TJP1: variants seen among roughly 807,000 people sequenced by gnomAD.
TJP1 encodes the protein tight junction protein ZO-1.
In TJP1, 43 loss-of-function variants were observed where a neutral mutation model predicts 194.2. The observed-to-expected ratio is 0.22, with a 90% CI of 0.17 to 0.29. The LOEUF (loss-of-function observed/expected upper bound fraction) is 0.29. TJP1 is among the 10% of genes least tolerant of loss of function. The probability of loss-of-function intolerance (pLI) is 1.00; values close to 1 mark genes in which losing one functional copy is unlikely to be tolerated. For missense variants in TJP1, 1,971 were observed against 2,185.7 expected, an observed-to-expected ratio of 0.90 and a Z score of 1.96; for synonymous variants, 801 against 779.0, an observed-to-expected ratio of 1.03 and a Z score of -0.47.
chr15:29,799,803 G>A (rs1269395464), intron 2 of TJP1, among the ~76,000 whole-genome samples: 1 of 152,122 alleles, frequency 6.6e-6, no homozygotes, highest in Non-Finnish European at 1.5e-5. Context: ...GCAGAGTCCA[G>A]CAACATGATT....
intron 8 of TJP1, among the ~76,000 whole-genome samples, chr15:29,751,411 T>C (rs1217582794): frequency 6.6e-6 from 1 of 152,252 alleles, no homozygotes; most frequent in Non-Finnish European, 1.5e-5. Flanking sequence ...ATAATTTAGA[T>C]GTATGTGTTT....
intron 2 of TJP1, among the ~76,000 whole-genome samples, chr15:29,875,536 C>T (rs956958834): frequency 3.3e-5 from 5 of 152,086 alleles, no homozygotes; most frequent in African/African-American, 7.2e-5. Flanking sequence ...CCCCCAAATA[C>T]ATGTTGTGGG....
At position 29,779,749 on chromosome 15, in the gene TJP1, T is replaced by A. The variant is rs1595867976; in HGVS notation, c.85-6392A>T. Among the ~76,000 whole-genome samples the A allele has an allele frequency of 5.3e-5, 8 of 152,228 alleles. 1 individual carries two copies. The Middle Eastern group carries it at 0.027, about 518-fold the overall frequency. ...AGAATTCTGGAAAAATTAGCAGCAA[T>A]GAGAGTAGGCATGAATGAATCTTCC... On this transcript the variant is annotated intron_variant, in intron 2 of 27. Coordinates refer to ENST00000614355, the MANE Select transcript of TJP1 (RefSeq NM_001330239.4).
intron 2 of TJP1, among the ~76,000 whole-genome samples, chr15:29,942,316 C>T (rs2055108714): frequency 6.6e-6 from 1 of 152,166 alleles, no homozygotes; most frequent in South Asian, 2.1e-4. Flanking sequence ...AAATACTGAG[C>T]TGCAAAACCG....
chr15:29,707,171 A>C (rs548076558), intron 25 of TJP1, among the ~76,000 whole-genome samples: 1 of 152,176 alleles, frequency 6.6e-6, no homozygotes, highest in East Asian at 1.9e-4. Context: ...ACATCCACGA[A>C]AGAGAGACAG....
chr15:29,703,599 A>G (rs550295922), intron 27 of TJP1, among the ~76,000 whole-genome samples: 1 of 152,264 alleles, frequency 6.6e-6, no homozygotes, highest in East Asian at 1.9e-4. Flanking sequence ...GACAGAATAA[A>G]TCATTTTTCT....
intron 8 of TJP1, among the ~76,000 whole-genome samples, chr15:29,753,834 A>C (rs1449699475): frequency 1.3e-5 from 2 of 152,060 alleles, no homozygotes; most frequent in African/African-American, 2.4e-5. Context: ...AAAAAAAAAA[A>C]AAAACAAAGG....
chr15:29,705,970 C>T (rs1260490055), intron 25 of TJP1, among the ~76,000 whole-genome samples: 2 of 152,186 alleles, frequency 1.3e-5, no homozygotes, highest in East Asian at 1.9e-4. Context: ...CTCACTCTGT[C>T]GCCCAGGCTG....
chr15:29,795,335 A>T (rs564996838), intron 2 of TJP1, among the ~76,000 whole-genome samples: 1 of 151,678 alleles, frequency 6.6e-6, no homozygotes, highest in African/African-American at 2.4e-5. Flanking sequence ...AGGCAGGAGA[A>T]TCGCTTCAAC....
At chr15:29,846,285 T>C (rs1322822546) in intron 2 of TJP1, among the ~76,000 whole-genome samples, 3 of 152,180 alleles carry the variant, frequency 2.0e-5, no homozygotes, top group African/African-American at 4.8e-5. Context: ...TTCACTGCGA[T>C]AGCCCCAGTG....
chr15:29,777,271 C>G (rs2047075939), intron 2 of TJP1, among the ~76,000 whole-genome samples: 1 of 152,124 alleles, frequency 6.6e-6, no homozygotes, highest in Non-Finnish European at 1.5e-5. Flanking sequence ...GTGCCCCTGC[C>G]TTGATTTGGG....
chr15:29,847,366 A>T (rs12915500), intron 2 of TJP1, among the ~76,000 whole-genome samples: 63,105 of 151,916 alleles, frequency 0.42, 13,554 homozygotes, highest in East Asian at 0.5. Context: ...CCTATTTTTA[A>T]TTCTATTAAT....
chr15:29,730,845 C>T, intron 15 of TJP1: 3 of 1,083,144 alleles, frequency 2.8e-6, no homozygotes, highest in Middle Eastern at 4.0e-4. Flanking sequence ...TAAAAAGGCC[C>T]CTGCAAAGAA....
intron 15 of TJP1, among the ~76,000 whole-genome samples, chr15:29,729,838 A>AG (rs774289001): frequency 2.1e-3 from 320 of 151,356 alleles, no homozygotes; most frequent in Non-Finnish European, 4.0e-3. Context: ...AAAAAAAAAA[A>AG]GGTTACTGAG....
chr15:29,711,391 G>A (rs1170718446), intron 23 of TJP1, among the ~76,000 whole-genome samples: 1 of 151,960 alleles, frequency 6.6e-6, no homozygotes, highest in Non-Finnish European at 1.5e-5. Context: ...TTTGAGACAG[G>A]GTCTCATTCT....
intron 2 of TJP1, among the ~76,000 whole-genome samples, chr15:29,880,361 A>G (rs1184656298): frequency 1.3e-5 from 2 of 152,208 alleles, no homozygotes; most frequent in East Asian, 3.8e-4. Context: ...GACATACGCA[A>G]ACATCTATGA....
chr15:29,837,359 G>A (rs930842605), intron 2 of TJP1, among the ~76,000 whole-genome samples: 1 of 152,132 alleles, frequency 6.6e-6, no homozygotes, highest in Non-Finnish European at 1.5e-5. Flanking sequence ...GGGACTTCAA[G>A]ACCAGCCTGA....
intron 1 of TJP1, among the ~76,000 whole-genome samples, chr15:29,804,157 T>C (rs1035803900): frequency 2.3e-4 from 35 of 152,162 alleles, no homozygotes; most frequent in African/African-American, 7.7e-4. Flanking sequence ...CATGGTTGTT[T>C]ATATAACCAG....
At chr15:29,706,191 C>G (rs573779638) in intron 25 of TJP1, among the ~76,000 whole-genome samples, 26 of 152,280 alleles carry the variant, frequency 1.7e-4, no homozygotes, top group African/African-American at 5.8e-4. Flanking sequence ...CCTTGGTCTC[C>G]CAAAGTGCTG....
Sources: allele counts gnomAD v4.1 joint callset (sites outside exome capture counted in the v4.1 genomes callset), GRCh38; gene constraint gnomAD v4.1.1; transcripts MANE v1.5; gene names NCBI Gene and HGNC (gene_info 2026-07-23, HGNC 2026-07-21).